Variants in EVL observed in about 807,000 individuals in gnomAD.
EVL encodes ena/VASP-like protein.
A neutral mutation model predicts 59.6 loss-of-function variants in EVL; 21 were observed. The ratio of observed to expected loss-of-function variants is 0.35; its 90% confidence interval spans 0.25 to 0.51. EVL has a LOEUF of 0.51. Among genes scored for constraint, EVL ranks in the 20% least tolerant of loss-of-function variants. EVL has a pLI of 0.97. For synonymous variants in EVL, 198 were observed against 203.5 expected (o/e 0.97, Z 0.23); for missense variants, 462 against 546.6 (o/e 0.85, Z 1.54).
At chr14:99,979,170 A>G (rs2060790159) in intron 1 of EVL, among the ~76,000 whole-genome samples, 2 of 152,106 alleles carry the variant, frequency 1.3e-5, no homozygotes, top group East Asian at 3.8e-4. Flanking sequence ...CACCGCCCAT[A>G]CACAAATAAT....
At chr14:100,128,845 C>A in intron 6 of EVL, 97 bp downstream of exon 6, 1 of 1,075,126 alleles carries the variant, frequency 9.3e-7, no homozygotes, top group Non-Finnish European at 1.4e-6. Context: ...CGAGACACAG[C>A]AAACTGCTTC....
chr14:100,131,860 G>C (rs1888456825), intron 7 of EVL, among the ~76,000 whole-genome samples: 1 of 152,170 alleles, frequency 6.6e-6, no homozygotes, highest in Non-Finnish European at 1.5e-5. Flanking sequence ...GGGACGAGGT[G>C]GGCAGACCTG....
chr14:100,022,311 T>C (rs1248082423), intron 1 of EVL, among the ~76,000 whole-genome samples: 1 of 148,640 alleles, frequency 6.7e-6, no homozygotes, highest in Non-Finnish European at 1.5e-5. Context: ...AGACTCACTC[T>C]CTGTCACCCG....
chr14:100,070,539 C>CT (rs2062027986), intron 1 of EVL, among the ~76,000 whole-genome samples: 1 of 152,216 alleles, frequency 6.6e-6, no homozygotes, highest in African/African-American at 2.4e-5. Context: ...GTGCGTATCT[C>CT]TTGTCGATGC....
intron 1 of EVL, among the ~76,000 whole-genome samples, chr14:99,992,252 T>G (rs1177487350): frequency 6.6e-6 from 1 of 152,204 alleles, no homozygotes; most frequent in Non-Finnish European, 1.5e-5. Context: ...GTATATCTTC[T>G]TTGGAGAATT....
intron 4 of EVL, among the ~76,000 whole-genome samples, chr14:100,124,709 C>T (rs565421018): frequency 1.7e-4 from 26 of 152,236 alleles, no homozygotes; most frequent in African/African-American, 2.9e-4. Context: ...AGCCACCAGA[C>T]GCCAGGTGTA....
chr14:99,984,240 C>T (rs1232305224), intron 1 of EVL, among the ~76,000 whole-genome samples: 6 of 152,218 alleles, frequency 3.9e-5, no homozygotes, highest in African/African-American at 1.4e-4. Flanking sequence ...TGTGTCCTTA[C>T]TGCTGCCATA....
intron 1 of EVL, among the ~76,000 whole-genome samples, chr14:100,018,663 C>G (rs552507499): frequency 6.6e-6 from 1 of 152,152 alleles, no homozygotes; most frequent in Admixed American, 6.5e-5. Context: ...TTTTCCAGGT[C>G]GATTACAGTT....
chr14:99,971,604 G>C (rs1262677332), exon 1 of EVL: 1 of 151,446 alleles, frequency 6.6e-6, no homozygotes, highest in Non-Finnish European at 1.5e-5. Flanking sequence ...CTGCTGTGCT[G>C]AGACTAGCCC....
intron 4 of EVL, among the ~76,000 whole-genome samples, chr14:100,124,606 C>A (rs1469751528): frequency 6.6e-6 from 1 of 152,182 alleles, no homozygotes; most frequent in Non-Finnish European, 1.5e-5. Context: ...GAGAGTCAGG[C>A]AGAACCTAGA....
chr14:100,137,466 GC>G (rs1888872419), intron 9 of EVL, 111 bp from the exon 10 acceptor site: 2 of 1,138,228 alleles, frequency 1.8e-6, no homozygotes, highest in African/African-American at 3.0e-5. Context: ...CTGCCACGGG[GC>G]TCTGCACCCT....
At chr14:100,102,705 C>G (rs988918401) in intron 3 of EVL, among the ~76,000 whole-genome samples, 3 of 152,162 alleles carry the variant, frequency 2.0e-5, no homozygotes, top group Non-Finnish European at 4.4e-5. Context: ...CCCTACCCAC[C>G]CGTTCCTCTT....
chr14:100,137,251 A>G (rs1480665598), intron 9 of EVL: 6 of 391,076 alleles, frequency 1.5e-5, no homozygotes, highest in African/African-American at 1.0e-4. Context: ...CGTGGGAGCA[A>G]GGCTGTGCTG....
At chr14:100,112,334 A>T (rs2140348262) in intron 3 of EVL, among the ~76,000 whole-genome samples, 1 of 152,240 alleles carries the variant, frequency 6.6e-6, no homozygotes, top group East Asian at 1.9e-4. Flanking sequence ...GTTTCACAGC[A>T]GCCACTGTCT....
At chr14:100,111,458 G>A (rs551886099) in intron 3 of EVL, among the ~76,000 whole-genome samples, 10 of 152,196 alleles carry the variant, frequency 6.6e-5, no homozygotes, top group Admixed American at 2.0e-4. Context: ...TGCCCGGCCA[G>A]TTTCCTTGTC....
At chr14:100,058,720 C>T (rs1312195151) in intron 1 of EVL, among the ~76,000 whole-genome samples, 1 of 152,090 alleles carries the variant, frequency 6.6e-6, no homozygotes, top group African/African-American at 2.4e-5. Flanking sequence ...CAGGAACATA[C>T]AGCATGTCAA....
At chr14:100,050,745 A>ATTT (rs11420567) in intron 1 of EVL, among the ~76,000 whole-genome samples, 3 of 135,102 alleles carry the variant, frequency 2.2e-5, no homozygotes, top group African/African-American at 2.8e-5. Flanking sequence ...TGAGCTCATG[A>ATTT]TTTTTTTTTT....
At chr14:100,062,103 A>T (rs1214102271), upstream of EVL, among the ~76,000 whole-genome samples, 1 of 151,918 alleles carries the variant, frequency 6.6e-6, no homozygotes, top group Non-Finnish European at 1.5e-5. Context: ...ATACCACTGT[A>T]CGCCGGCCTA....
At position 100,137,661 on chromosome 14, in the gene EVL, A is replaced by T. The variant is rs1296601037; in HGVS notation, c.1031+17A>T. 1 of 1,614,146 alleles carries T rather than the reference A, an allele frequency of 6.2e-7. No homozygotes were observed. Among genetic ancestry groups the T allele is most frequent in the East Asian group, 2.2e-5 (1 of 44,884 alleles). ...TCTGTCCAGGTGAGCTGCCCCAGGA[A>T]GGCCTGAGCAGCGAGGCTGGTGGGG... On this transcript the variant is annotated intron_variant, in intron 10 of 13. Coordinates refer to ENST00000392920, the MANE Select transcript of EVL (RefSeq NM_016337.3).
Sources: gnomAD v4.1 joint callset for allele counts (sites outside exome capture counted in the v4.1 genomes callset) on GRCh38, gnomAD v4.1.1 for gene constraint, MANE v1.5 for transcripts, NCBI Gene and HGNC (gene_info 2026-07-23, HGNC 2026-07-21) for gene names.